The following CCNY variants were observed in gnomAD, a reference collection of about 807,000 sequenced individuals.
CCNY encodes the protein cyclin-Y.
CCNY carries 19 observed loss-of-function variants against 42.8 expected under a neutral mutation model. The observed-to-expected ratio is 0.44, with a 90% CI of 0.31 to 0.65. The LOEUF is 0.65. Among genes scored for constraint, CCNY ranks in the 30% least tolerant of loss-of-function variants. The probability of loss-of-function intolerance (pLI) is 0.07; values close to 1 mark genes in which losing one functional copy is unlikely to be tolerated. For synonymous variants in CCNY, 165 were observed against 162.7 expected, an observed-to-expected ratio of 1.01 and a Z score of -0.11; for missense variants, 370 against 437.3, an observed-to-expected ratio of 0.85 and a Z score of 1.37.
chr10:35,488,441 C>T (rs1432805819), intron 2 of CCNY, among the ~76,000 whole-genome samples: 1 of 152,148 alleles, frequency 6.6e-6, no homozygotes, highest in Non-Finnish European at 1.5e-5. Flanking sequence ...CCTTGCTGTC[C>T]TCACCTCACT....
At chr10:35,535,323 C>G (rs1050598531) in intron 7 of CCNY, among the ~76,000 whole-genome samples, 4 of 152,000 alleles carry the variant, frequency 2.6e-5, no homozygotes, top group Admixed American at 2.0e-4. Context: ...TAGATAACCT[C>G]AAGGAGCACG....
At chr10:35,390,352 C>G (rs1352670364) in intron 1 of CCNY, among the ~76,000 whole-genome samples, 1 of 152,166 alleles carries the variant, frequency 6.6e-6, no homozygotes, top group Non-Finnish European at 1.5e-5. Context: ...TGAGGAAACC[C>G]ATGTTCTTTT....
intron 1 of CCNY, among the ~76,000 whole-genome samples, chr10:35,349,623 A>G (rs1836385264): frequency 6.6e-6 from 1 of 152,230 alleles, no homozygotes; most frequent in African/African-American, 2.4e-5. Flanking sequence ...GTGAAATTCA[A>G]GGACACTTTA....
chr10:35,461,309 A>G (rs12774908), intron 1 of CCNY, among the ~76,000 whole-genome samples: 1 of 152,132 alleles, frequency 6.6e-6, no homozygotes, highest in African/African-American at 2.4e-5. Flanking sequence ...AAGTCTAAAT[A>G]TAGCATGGGC....
chr10:35,318,801 C>G (rs2135093375), intron 3 of CCNY, among the ~76,000 whole-genome samples: 1 of 151,656 alleles, frequency 6.6e-6, no homozygotes, highest in African/African-American at 2.4e-5. Flanking sequence ...CCAATGTAAA[C>G]CAAATTAAAC....
chr10:35,328,970 A>G (rs770790492), intron 3 of CCNY, among the ~76,000 whole-genome samples: 8 of 152,362 alleles, frequency 5.3e-5, no homozygotes, highest in Non-Finnish European at 8.8e-5. Context: ...ACATCTTGAT[A>G]AATGTGTATA....
At chr10:35,332,301 T>C (rs990277960), upstream of CCNY, 1 of 152,208 alleles carries the variant, frequency 6.6e-6, no homozygotes, top group Admixed American at 6.5e-5. Flanking sequence ...AAGGTTCAGG[T>C]CCTGGGCTAA....
At chr10:35,437,131 A>T (rs1277735224) in intron 1 of CCNY, among the ~76,000 whole-genome samples, 3 of 152,204 alleles carry the variant, frequency 2.0e-5, no homozygotes, top group Non-Finnish European at 4.4e-5. Flanking sequence ...CGATTCAGTT[A>T]TCTCCACCCG....
chr10:35,355,628 A>G (rs1292024509), intron 1 of CCNY, among the ~76,000 whole-genome samples: 1 of 134,274 alleles, frequency 7.4e-6, no homozygotes, highest in East Asian at 2.6e-4. Flanking sequence ...CAGTGAGCCA[A>G]TATTGCGCCA....
intron 7 of CCNY, among the ~76,000 whole-genome samples, chr10:35,549,793 G>C (rs1211829909): frequency 2.4e-4 from 15 of 62,882 alleles, no homozygotes; most frequent in East Asian, 5.5e-4. Flanking sequence ...TGACCCTACA[G>C]TGCTCGTGAC....
intron 3 of CCNY, among the ~76,000 whole-genome samples, chr10:35,298,511 ATTCTT>A (rs776363523): frequency 6.6e-6 from 1 of 151,790 alleles, no homozygotes; most frequent in Admixed American, 6.6e-5. Flanking sequence ...GTATTATTCC[ATTCTT>A]TTCTTTTTTA....
At chr10:35,543,314 G>C (rs1016828481) in intron 7 of CCNY, among the ~76,000 whole-genome samples, 26 of 152,188 alleles carry the variant, frequency 1.7e-4, no homozygotes, top group African/African-American at 5.3e-4. Flanking sequence ...GGGCCCATGG[G>C]TCGAAGTCTG....
chr10:35,355,324 G>T (rs1410278724), intron 1 of CCNY, among the ~76,000 whole-genome samples: 2 of 152,112 alleles, frequency 1.3e-5, no homozygotes, highest in African/African-American at 4.8e-5. Flanking sequence ...GCATAGTAGA[G>T]CTAAAATGAA....
At position 35,525,980 on chromosome 10, in the gene CCNY, T is replaced by C; in HGVS notation, c.382T>C (p.Tyr128His). ...TTTTTACAGTGTCGCTCTTGCAATA[T>C]ATTATCACATCAAAAACAGGTATGT... ...YTIKCVALAI[Y>H]YHIKNRDPDG... Residue 128 changes from tyrosine to histidine, a missense_variant, in exon 5 of 10, where the codon TAT becomes CAT. By Grantham distance (83) the Tyr-to-His change is moderately conservative. This residue lies in a region of CCNY where 234 missense variants were observed against 313.1 expected (regional missense o/e 0.75). Coordinates refer to ENST00000374704, the MANE Select transcript of CCNY (RefSeq NM_145012.6). 2 of 1,611,874 alleles carry C rather than the reference T, an allele frequency of 1.2e-6. No individual in the cohort carries two copies. The highest frequency in any genetic ancestry group is 1.7e-6 in the Non-Finnish European group (2 of 1,179,408).
chr10:35,386,945 T>G (rs1353275889), intron 1 of CCNY, among the ~76,000 whole-genome samples: 1 of 152,278 alleles, frequency 6.6e-6, no homozygotes, highest in East Asian at 1.9e-4. Flanking sequence ...AGTGCTGCCT[T>G]TGTGCACGTT....
chr10:35,291,707 T>C (rs2135063850), intron 3 of CCNY, among the ~76,000 whole-genome samples: 1 of 152,074 alleles, frequency 6.6e-6, no homozygotes, highest in East Asian at 1.9e-4. Flanking sequence ...CAGCTAATTT[T>C]TGTATTTTTA....
intron 3 of CCNY, among the ~76,000 whole-genome samples, chr10:35,256,035 A>G (rs2095715218): frequency 6.6e-6 from 1 of 152,126 alleles, no homozygotes; most frequent in Non-Finnish European, 1.5e-5. Context: ...TTTACTTACT[A>G]TTTGCATGGA....
At chr10:35,315,132 G>A (rs1046450883) in intron 3 of CCNY, 2 of 152,098 alleles carry the variant, frequency 1.3e-5, no homozygotes, top group African/African-American at 4.8e-5. Context: ...TTAGTTTCAG[G>A]GATACATGTG....
intron 1 of CCNY, among the ~76,000 whole-genome samples, chr10:35,451,610 C>G (rs766618672): frequency 1.3e-5 from 2 of 152,196 alleles, no homozygotes; most frequent in Non-Finnish European, 2.9e-5. Flanking sequence ...TGGCACTAGA[C>G]AGAGCTGGTT....
Sources: allele counts gnomAD v4.1 joint callset (sites outside exome capture counted in the v4.1 genomes callset), GRCh38; gene constraint gnomAD v4.1.1; regional missense constraint gnomAD v4.1.1; transcripts MANE v1.5; gene names NCBI Gene and HGNC (gene_info 2026-07-23, HGNC 2026-07-21).